ZNF138: variants seen among roughly 807,000 people sequenced by gnomAD.
The protein encoded by ZNF138 is zinc finger protein 138 (clone pHZ-32).
In ZNF138, 33 loss-of-function variants were observed where a neutral mutation model predicts 33.0. That is an observed-to-expected ratio of 1.00 (90% CI 0.76 to 1.34). ZNF138 has a LOEUF of 1.34. Ranked by LOEUF, ZNF138 falls within the 40% of genes most tolerant of loss-of-function variation. ZNF138 has a pLI of 0.00. For synonymous variants in ZNF138, 139 were observed against 120.4 expected (o/e 1.15, Z -1.01); for missense variants, 360 against 370.8 (o/e 0.97, Z 0.24).
At chr7:64,797,454 A>G (rs80242287) in intron 1 of ZNF138, among the ~76,000 whole-genome samples, 1,974 of 152,330 alleles carry the variant, frequency 0.013, 42 homozygotes, top group African/African-American at 0.045. Context: ...CAACTCCGAC[A>G]TGGAAATTAA....
the ZNF138 span, among the ~76,000 whole-genome samples, chr7:64,858,786 C>A: frequency 6.6e-6 from 1 of 152,152 alleles, no homozygotes; most frequent in Non-Finnish European, 1.5e-5. Context: ...TAATGTCCTT[C>A]AGGTTCAATA....
intron 1 of ZNF138, among the ~76,000 whole-genome samples, chr7:64,810,452 A>AGGGGG (rs1554365356): frequency 2.1e-5 from 2 of 96,654 alleles, no homozygotes; most frequent in East Asian, 3.3e-4. Flanking sequence ...AGGGAGAGGG[A>AGGGGG]GAGGGGGAGG....
rs1393306653 is a variant in ZNF138 at position 64,832,098 on chromosome 7, A to C, written c.856A>C (p.Lys286Gln). Residue 286 changes from lysine to glutamine, a missense_variant, in exon 4 of 4, where the codon AAG (lysine) becomes CAG (glutamine). Transcript: ENST00000307355. ...EKPYKCEQCG[K>Q]VFKQSPTLTK... is the part of the protein sequence containing the mutation. ...ACCCTACAAATGTGAACAATGTGGC[A>C]AGGTCTTTAAGCAGTCCCCAACCCT... 2 of 1,613,636 alleles carry C rather than the reference A, an allele frequency of 1.2e-6. No individual in the cohort carries two copies. Among genetic ancestry groups the C allele is most frequent in the African/African-American group, 2.7e-5 (2 of 74,934 alleles).
chr7:64,807,379 G>A (rs547470655), intron 1 of ZNF138, among the ~76,000 whole-genome samples: 7 of 152,306 alleles, frequency 4.6e-5, no homozygotes, highest in African/African-American at 9.6e-5. Flanking sequence ...TAATCAAAGC[G>A]CAGATTTCAG....
In ZNF138 at chr7:64,831,448, C is replaced by T. The variant is rs1344299587; in HGVS notation, c.209-3C>T. On this transcript the variant is annotated splice_region_variant and splice_polypyrimidine_tract_variant and intron_variant, in intron 3 of 3. Transcript: ENST00000307355. Reference sequence around the variant, plus strand: ...GTAATTTGTTATTTTTTGTTTCTTTCAGCTCTGTGTTCTCGTTTTGCCCAA... The same window carrying T: ...GTAATTTGTTATTTTTTGTTTCTTTTAGCTCTGTGTTCTCGTTTTGCCCAA... The T allele has an allele frequency of 2.6e-6, 4 of 1,535,248 alleles. No individual in the cohort carries two copies. The highest frequency in any genetic ancestry group is 2.7e-5 in the South Asian group (2 of 75,416).
intron 3 of ZNF138, among the ~76,000 whole-genome samples, chr7:64,824,649 A>G (rs1303084262): frequency 6.6e-6 from 1 of 152,160 alleles, no homozygotes; most frequent in African/African-American, 2.4e-5. Flanking sequence ...GTACATGCAC[A>G]TACATAGACA....
Position 64,832,696 on chromosome 7 carries a change from A to T in ZNF138, c.*494A>T. 1 of 431,348 alleles carries T rather than the reference A, an allele frequency of 2.3e-6. No individual in the cohort carries two copies. 26.7% of individuals were successfully genotyped at this position (431,348 alleles called of 1,614,324 possible). A position where few individuals can be genotyped will look rare whatever the true frequency, so the allele number is the denominator to read the frequency against. Reference sequence around the variant, plus strand: ...TGTGAACAGTGTGGCAAGGTCTTTAAGAAGTCCTCAACTCTTACTGCACAT... The same window carrying T: ...TGTGAACAGTGTGGCAAGGTCTTTATGAAGTCCTCAACTCTTACTGCACAT... On this transcript the variant is annotated 3_prime_UTR_variant, in exon 4 of 4. Transcript: ENST00000307355.
At chr7:64,805,521 G>T (rs1449659539) in intron 1 of ZNF138, among the ~76,000 whole-genome samples, 1 of 152,170 alleles carries the variant, frequency 6.6e-6, no homozygotes, top group Non-Finnish European at 1.5e-5. Context: ...TCACTCCGAT[G>T]TGGCACTGGA....
intron 1 of ZNF138, among the ~76,000 whole-genome samples, chr7:64,813,519 T>C (rs527754511): frequency 3.7e-4 from 56 of 151,902 alleles, no homozygotes; most frequent in African/African-American, 1.2e-3. Flanking sequence ...CTGCAAGCTC[T>C]GCCTCCCGGG....
At chr7:64,825,143 T>C (rs546256567) in intron 3 of ZNF138, among the ~76,000 whole-genome samples, 12 of 141,410 alleles carry the variant, frequency 8.5e-5, no homozygotes, top group Non-Finnish European at 1.4e-4. Flanking sequence ...GTAGGCCGCA[T>C]GTTGTATGCT....
Position 64,815,051 on chromosome 7 carries a change from A to G in ZNF138, c.130+7A>G, listed in dbSNP as rs1788499736. On this transcript the variant is annotated splice_region_variant and intron_variant, in intron 2 of 3. Coordinates refer to ENST00000307355, the MANE Select transcript of ZNF138 (RefSeq NM_001271639.2). The stretch of plus-strand genomic sequence containing the variant: ...AGAAACCTGGTTTTCTTGGGTGAGA[A>G]TAACTTCAGTACACATTTCCTAATA... 5.6e-6 allele frequency: 9 copies of G among 1,599,124 alleles called. No individual in the cohort carries two copies. The highest frequency in any genetic ancestry group is 1.4e-5 in the African/African-American group (1 of 74,016).
chr7:64,796,943 G>A (rs1026152838), intron 1 of ZNF138, among the ~76,000 whole-genome samples: 6 of 152,106 alleles, frequency 3.9e-5, no homozygotes, highest in East Asian at 1.9e-4. Context: ...CCAGCTATTC[G>A]GGAGGCTGAG....
the ZNF138 span, among the ~76,000 whole-genome samples, chr7:64,856,726 G>GC: frequency 2.8e-4 from 1 of 3,582 alleles, no homozygotes; most frequent in African/African-American, 3.0e-4. Flanking sequence ...AGGTGGGGGG[G>GC]TCAGCCCCCC....
rs1786523857 is a variant in ZNF138, at chr7:64,794,473, G to T, written c.-96G>T. The T allele has an allele frequency of 2.5e-6, 4 of 1,580,092 alleles. No individual in the cohort carries two copies. In the East Asian group the frequency reaches 9.1e-5, roughly 36 times the overall value. On this transcript the variant is annotated 5_prime_UTR_variant, in exon 1 of 4. Transcript: ENST00000307355. Reference sequence around the variant, plus strand: ...GCAGGTCTGGCCTTCACTTTTCTGCGTCCTCTTACTCCTAGAGGCCCAGCC... The same window carrying T: ...GCAGGTCTGGCCTTCACTTTTCTGCTTCCTCTTACTCCTAGAGGCCCAGCC...
downstream of ZNF138, among the ~76,000 whole-genome samples, chr7:64,833,866 A>AG (rs34945166): frequency 6.6e-6 from 1 of 152,096 alleles, no homozygotes; most frequent in African/African-American, 2.4e-5. Flanking sequence ...CTGGGACTAC[A>AG]GGCATGTACC....
At chr7:64,838,971 G>A in the ZNF138 span, among the ~76,000 whole-genome samples, 114 of 152,198 alleles carry the variant, frequency 7.5e-4, 2 homozygotes, top group African/African-American at 2.6e-3. Context: ...GATGGGGGCC[G>A]TGGACAAGAT....
chr7:64,795,864 C>G (rs549987329), intron 1 of ZNF138, among the ~76,000 whole-genome samples: 3 of 152,224 alleles, frequency 2.0e-5, no homozygotes, highest in Admixed American at 2.0e-4. Context: ...GCTGTGTATG[C>G]TAGAATCTCT....
intron 3 of ZNF138, among the ~76,000 whole-genome samples, chr7:64,816,785 C>G (rs144678286): frequency 1.3e-5 from 2 of 152,160 alleles, no homozygotes; most frequent in African/African-American, 4.8e-5. Flanking sequence ...GAGCAAACAC[C>G]TCTTCACGTT....
intron 1 of ZNF138, among the ~76,000 whole-genome samples, chr7:64,799,036 T>C (rs536939958): frequency 3.3e-5 from 5 of 152,302 alleles, no homozygotes; most frequent in Admixed American, 1.3e-4. Context: ...TCAGGCTCTT[T>C]GTTGGTTTCA....
Sources: allele counts gnomAD v4.1 joint callset (sites outside exome capture counted in the v4.1 genomes callset), GRCh38; gene constraint gnomAD v4.1.1; transcripts MANE v1.5; gene names NCBI Gene and HGNC (gene_info 2026-07-23, HGNC 2026-07-21).